Variants in IGF1R observed in about 807,000 individuals in gnomAD.
The protein encoded by IGF1R is insulin-like growth factor 1 receptor.
A neutral mutation model predicts 144.6 loss-of-function variants in IGF1R; 44 were observed. The ratio of observed to expected loss-of-function variants is 0.30; its 90% CI spans 0.24 to 0.39. The LOEUF is 0.39. IGF1R is among the 10% of genes least tolerant of loss of function. The pLI is 1.00. For missense variants in IGF1R, 1,355 were observed against 1,833.7 expected, an observed-to-expected ratio of 0.74 and a Z score of 4.77; for synonymous variants, 795 against 722.8, an observed-to-expected ratio of 1.10 and a Z score of -1.60.
intron 2 of IGF1R, among the ~76,000 whole-genome samples, chr15:98,865,122 G>T (rs1291135124): frequency 1.3e-5 from 2 of 152,200 alleles, no homozygotes; most frequent in Non-Finnish European, 1.5e-5. Context: ...TAGGATACAT[G>T]ATTCTGAGTT....
chr15:98,731,597 G>GGGGT (rs374098980), intron 2 of IGF1R, among the ~76,000 whole-genome samples: 11 of 152,340 alleles, frequency 7.2e-5, no homozygotes, highest in African/African-American at 2.4e-4. Flanking sequence ...CTTCTAGGGA[G>GGGGT]GGGTGGGTGT....
chr15:98,793,210 A>G (rs1567131987), intron 2 of IGF1R, among the ~76,000 whole-genome samples: 2 of 152,248 alleles, frequency 1.3e-5, no homozygotes, highest in African/African-American at 4.8e-5. Flanking sequence ...CAACAGATCC[A>G]GTTGTTGTCA....
chr15:98,942,970 G>T lies in IGF1R; in HGVS notation c.3505G>T (p.Gly1169Ter), dbSNP rs751797539. 1 of 1,614,200 alleles carries T rather than the reference G, an allele frequency of 6.2e-7. No homozygotes were observed. The change falls in exon 19 of 21, where the codon GGA becomes TGA. Residue 1169 changes from glycine (G) to a stop codon, truncating the protein, a stop_gained. Transcript: ENST00000650285. LOFTEE classifies it high-confidence loss of function. ...DIYETDYYRK[G>*]GKGLLPVRWM... ...CTATGAGACAGACTATTACCGGAAAGGAGGGAAAGGGCTGCTGCCCGTGCG... is the reference window on the plus strand; with the variant it reads ...CTATGAGACAGACTATTACCGGAAATGAGGGAAAGGGCTGCTGCCCGTGCG...
rs553435299 is a variant in IGF1R at position 98,931,513 on chromosome 15, G to A, written c.2956+1208G>A. 9.2e-5 allele frequency among the ~76,000 whole-genome samples: 14 copies of A among 152,200 alleles called. No individual in the cohort carries two copies. In the South Asian group the frequency reaches 2.9e-3, roughly 32 times the overall value. On this transcript the variant is annotated intron_variant, in intron 15 of 20. Transcript: ENST00000650285. ...AATCAAAAGCAGCCTCCTCTGAATG[G>A]GAATCAGGTGCAGAATAATGACTTT...
chr15:98,804,174 G>A (rs146890564), intron 2 of IGF1R, among the ~76,000 whole-genome samples: 1 of 152,190 alleles, frequency 6.6e-6, no homozygotes, highest in Non-Finnish European at 1.5e-5. Context: ...CAGTACACAT[G>A]TGTGGTCACT....
chr15:98,902,230 A>T (rs1176520941), intron 5 of IGF1R, among the ~76,000 whole-genome samples: 1 of 152,020 alleles, frequency 6.6e-6, no homozygotes, highest in African/African-American at 2.4e-5. Flanking sequence ...TTGTCTAAAG[A>T]TCCCTAGGCA....
intron 3 of IGF1R, 43 bp from the exon 4 acceptor site, chr15:98,896,714 C>G (rs751434761): frequency 6.3e-7 from 1 of 1,594,654 alleles, no homozygotes; most frequent in Non-Finnish European, 8.6e-7. Context: ...AGAAGACAGA[C>G]TCAATTATGT....
chr15:98,961,767 C>T lies in IGF1R; in HGVS notation c.*4325C>T, dbSNP rs560240114. 1 of 233,506 alleles carries T rather than the reference C, an allele frequency of 4.3e-6. No individual in the cohort carries two copies. The highest frequency in any genetic ancestry group is 1.8e-4 in the South Asian group (1 of 5,532). 14.5% of individuals were successfully genotyped at this position (233,506 alleles called of 1,614,324 possible). A position where few individuals can be genotyped will look rare whatever the true frequency, so the allele number is the denominator to read the frequency against. On this transcript the variant is annotated 3_prime_UTR_variant, in exon 21 of 21. Coordinates refer to ENST00000650285, the MANE Select transcript of IGF1R (RefSeq NM_000875.5). Reference sequence around the variant, plus strand: ...CAAGACCCAGACCACCCCAGGTCTCCTTCGTGGGATGTCATGACGTTTGAC... The same window carrying T: ...CAAGACCCAGACCACCCCAGGTCTCTTTCGTGGGATGTCATGACGTTTGAC...
intron 2 of IGF1R, among the ~76,000 whole-genome samples, chr15:98,734,054 CT>C (rs2054557340): frequency 6.6e-6 from 1 of 152,188 alleles, no homozygotes; most frequent in Non-Finnish European, 1.5e-5. Context: ...CTGACCGTAT[CT>C]GCTGCAATTC....
chr15:98,957,097 C>T lies in IGF1R; in HGVS notation c.3759C>T (p.Pro1253=). Residue 1253 remains proline, a synonymous_variant, in exon 21 of 21, where the codon CCC becomes CCT. Transcript: ENST00000650285. The part of the protein sequence containing the change: ...ELMRMCWQYN[P]KMRPSFLEII... Reference sequence around the variant, plus strand: ...TGCGCATGTGCTGGCAGTATAACCCCAAGATGAGGCCTTCCTTCCTGGAGA... The same window carrying T: ...TGCGCATGTGCTGGCAGTATAACCCTAAGATGAGGCCTTCCTTCCTGGAGA... 1.9e-6 allele frequency: 3 copies of T among 1,614,238 alleles called. No individual in the cohort carries two copies. In the Admixed American group the frequency reaches 5.0e-5, roughly 27 times the overall value.
chr15:98,809,570 A>T (rs1248420086), intron 2 of IGF1R, among the ~76,000 whole-genome samples: 1 of 152,172 alleles, frequency 6.6e-6, no homozygotes, highest in Non-Finnish European at 1.5e-5. Context: ...GTTTTTATAA[A>T]ACCGCTGAGT....
At chr15:98,674,308 C>G (rs767496505) in intron 1 of IGF1R, among the ~76,000 whole-genome samples, 6 of 152,176 alleles carry the variant, frequency 3.9e-5, no homozygotes, top group Admixed American at 6.5e-5. Context: ...TGTGTTCACT[C>G]TTGAATGCCT....
At chr15:98,729,121 T>C (rs1035364697) in intron 2 of IGF1R, among the ~76,000 whole-genome samples, 1 of 152,262 alleles carries the variant, frequency 6.6e-6, no homozygotes, top group Non-Finnish European at 1.5e-5. Context: ...CAAAAAATAC[T>C]GCATTTTGAA....
chr15:98,834,233 T>C (rs938215147), intron 2 of IGF1R, among the ~76,000 whole-genome samples: 1 of 152,262 alleles, frequency 6.6e-6, no homozygotes, highest in African/African-American at 2.4e-5. Context: ...CTCTTGTCTT[T>C]AGATCACCAG....
At chr15:98,916,551 C>A in intron 9 of IGF1R, 121 bp from the exon 10 acceptor site, 1 of 920,996 alleles carries the variant, frequency 1.1e-6, no homozygotes, top group Non-Finnish European at 1.8e-6. Flanking sequence ...CTTGAGCCAC[C>A]ACATCTGGCC....
chr15:98,666,698 AGACG>A (rs1337746817), intron 1 of IGF1R, among the ~76,000 whole-genome samples: 2 of 152,138 alleles, frequency 1.3e-5, no homozygotes, highest in Non-Finnish European at 2.9e-5. Flanking sequence ...ACATTCATAG[AGACG>A]GAAAGTAGAA....
At chr15:98,658,979 CAT>C (rs1358324536) in intron 1 of IGF1R, among the ~76,000 whole-genome samples, 2 of 152,226 alleles carry the variant, frequency 1.3e-5, no homozygotes, top group African/African-American at 2.4e-5. Flanking sequence ...AATTCGTACA[CAT>C]GTCAAGTGCC....
intron 1 of IGF1R, among the ~76,000 whole-genome samples, chr15:98,654,846 C>G (rs1261559053): frequency 6.6e-6 from 1 of 152,158 alleles, no homozygotes; most frequent in African/African-American, 2.4e-5. Context: ...ATTCTGAACA[C>G]TTTAGAGACA....
At chr15:98,956,866 C>T (rs544373421) in intron 20 of IGF1R, among the ~76,000 whole-genome samples, 195 bp from the exon 21 acceptor site, 2 of 152,090 alleles carry the variant, frequency 1.3e-5, no homozygotes, top group Non-Finnish European at 2.9e-5. Context: ...TGGAACCGTA[C>T]GAGGTAAAAC....
Sources: allele counts gnomAD v4.1 joint callset (sites outside exome capture counted in the v4.1 genomes callset), GRCh38; gene constraint gnomAD v4.1.1; transcripts MANE v1.5; gene names NCBI Gene and HGNC (gene_info 2026-07-23, HGNC 2026-07-21).